The following DMRT1 variants were observed in gnomAD, a reference collection of about 807,000 sequenced individuals.
The protein encoded by DMRT1 is doublesex- and mab-3-related transcription factor 1.
In DMRT1, 7 loss-of-function variants were observed where a neutral mutation model predicts 32.3. That is an observed-to-expected ratio of 0.22 (90% CI 0.12 to 0.41). The LOEUF is 0.41. Ranked by LOEUF, DMRT1 falls within the 10% of genes least tolerant of loss-of-function variation. DMRT1 has a pLI of 1.00. For synonymous variants in DMRT1, 278 were observed against 206.1 expected (o/e 1.35, Z -2.99); for missense variants, 625 against 500.5 (o/e 1.25, Z -2.37).
At chr9:850,849 C>A (rs1419660156) in intron 2 of DMRT1, among the ~76,000 whole-genome samples, 5 of 151,754 alleles carry the variant, frequency 3.3e-5, no homozygotes, top group Non-Finnish European at 7.4e-5. Flanking sequence ...GCCAACATGG[C>A]GAAACCCCAT....
intron 3 of DMRT1, among the ~76,000 whole-genome samples, chr9:914,162 A>C (rs1818088985): frequency 6.6e-6 from 1 of 152,180 alleles, no homozygotes; most frequent in Non-Finnish European, 1.5e-5. Context: ...CTTTTCTCTT[A>C]AATGGTTTAG....
At chr9:913,892 C>CA (rs34720099) in intron 3 of DMRT1, among the ~76,000 whole-genome samples, 126,086 of 151,966 alleles carry the variant, frequency 0.83, 52,476 homozygotes, top group South Asian at 0.9. Flanking sequence ...GACTCGGTCT[C>CA]AAACAATTTT....
chr9:902,205 A>T (rs1427524554), intron 3 of DMRT1, among the ~76,000 whole-genome samples: 3 of 146,620 alleles, frequency 2.0e-5, no homozygotes, highest in Non-Finnish European at 4.5e-5. Flanking sequence ...CCACCGCGCC[A>T]GCCACTTTTC....
At chr9:940,286 A>T (rs1819019895) in intron 4 of DMRT1, among the ~76,000 whole-genome samples, 1 of 152,188 alleles carries the variant, frequency 6.6e-6, no homozygotes, top group African/African-American at 2.4e-5. Flanking sequence ...GCATTATTTC[A>T]CAGTAGCCAA....
At chr9:873,188 G>A (rs948053047) in intron 2 of DMRT1, among the ~76,000 whole-genome samples, 2 of 152,290 alleles carry the variant, frequency 1.3e-5, no homozygotes, top group South Asian at 2.1e-4. Flanking sequence ...ATCTTCTCAT[G>A]CACTTTGTGC....
intron 4 of DMRT1, among the ~76,000 whole-genome samples, chr9:957,637 G>A (rs1819641074): frequency 6.6e-6 from 1 of 152,154 alleles, no homozygotes; most frequent in African/African-American, 2.4e-5. Context: ...TGCCTAAAAT[G>A]TTCAATCTTG....
At chr9:905,869 G>A (rs966192619) in intron 3 of DMRT1, among the ~76,000 whole-genome samples, 1 of 152,186 alleles carries the variant, frequency 6.6e-6, no homozygotes, top group African/African-American at 2.4e-5. Flanking sequence ...GGGGAAGCTG[G>A]ATTTGGAGTT....
chr9:949,004 A>T (rs1267420613), intron 4 of DMRT1, among the ~76,000 whole-genome samples: 1 of 151,708 alleles, frequency 6.6e-6, no homozygotes, highest in African/African-American at 2.4e-5. Context: ...GAAGTAGGAG[A>T]ATCACTTGAA....
intron 4 of DMRT1, among the ~76,000 whole-genome samples, chr9:947,054 C>G (rs998729701): frequency 6.6e-6 from 1 of 152,174 alleles, no homozygotes; most frequent in Non-Finnish European, 1.5e-5. Context: ...GCTGTCATTA[C>G]GTCACTTGAA....
intron 1 of DMRT1, among the ~76,000 whole-genome samples, chr9:846,483 C>G (rs1383581973): frequency 6.6e-6 from 1 of 152,284 alleles, no homozygotes; most frequent in East Asian, 1.9e-4. Context: ...CTGACCCACT[C>G]TACTCTTCAG....
At chr9:895,486 G>C (rs1053156981) in intron 3 of DMRT1, among the ~76,000 whole-genome samples, 15 of 152,132 alleles carry the variant, frequency 9.9e-5, no homozygotes, top group African/African-American at 3.6e-4. Context: ...ATATATATTT[G>C]GGAGTTCAGT....
intron 3 of DMRT1, among the ~76,000 whole-genome samples, chr9:911,681 G>A (rs904427243): frequency 4.6e-5 from 7 of 151,750 alleles, no homozygotes; most frequent in Non-Finnish European, 7.4e-5. Context: ...TAGTAGAGAC[G>A]GAGATTCACC....
At chr9:931,255 T>C (rs1310835639) in intron 4 of DMRT1, among the ~76,000 whole-genome samples, 1 of 152,250 alleles carries the variant, frequency 6.6e-6, no homozygotes, top group African/African-American at 2.4e-5. Context: ...TTATTTTTAG[T>C]TCAAAAACTA....
At chr9:871,389 G>C (rs1452069153) in intron 2 of DMRT1, among the ~76,000 whole-genome samples, 2 of 149,906 alleles carry the variant, frequency 1.3e-5, no homozygotes, top group Admixed American at 1.3e-4. Context: ...CTGGAGTGCA[G>C]TGGCACAATC....
intron 3 of DMRT1, 104 bp from the exon 4 acceptor site, chr9:916,659 A>G (rs1818193458): frequency 2.8e-6 from 4 of 1,422,528 alleles, no homozygotes; most frequent in South Asian, 2.3e-5. Context: ...GGCATGAGCC[A>G]CTGTGCCCAG....
intron 4 of DMRT1, among the ~76,000 whole-genome samples, chr9:963,681 A>G (rs564463673): frequency 1.3e-5 from 2 of 152,382 alleles, no homozygotes; most frequent in East Asian, 1.9e-4. Context: ...CAAGCTTCGG[A>G]CAGCTAAGAT....
intron 2 of DMRT1, among the ~76,000 whole-genome samples, chr9:881,117 C>T (rs905189885): frequency 1.3e-5 from 2 of 152,072 alleles, no homozygotes; most frequent in Admixed American, 1.3e-4. Context: ...AGACCCCCCC[C>T]ACCTCCTCCT....
At chr9:894,426 C>G (rs1817274962) in intron 3 of DMRT1, 2 of 585,488 alleles carry the variant, frequency 3.4e-6, no homozygotes, top group Non-Finnish European at 3.1e-6. Flanking sequence ...CCTTTAGCCT[C>G]AAAGGTTGGC....
chr9:878,181 C>T (rs1463919379), intron 2 of DMRT1, among the ~76,000 whole-genome samples: 1 of 151,094 alleles, frequency 6.6e-6, no homozygotes, highest in Admixed American at 6.6e-5. Context: ...AAAAGTTCAG[C>T]CCTGGAACTG....
Sources: gnomAD v4.1 joint callset for allele counts (sites outside exome capture counted in the v4.1 genomes callset) on GRCh38, gnomAD v4.1.1 for gene constraint, MANE v1.5 for transcripts, NCBI Gene and HGNC (gene_info 2026-07-23, HGNC 2026-07-21) for gene names.